The following PCLO variants were observed in gnomAD, a reference collection of about 807,000 sequenced individuals.
The protein encoded by PCLO is protein piccolo.
A neutral mutation model predicts 427.5 loss-of-function variants in PCLO; 82 were observed. The ratio of observed to expected loss-of-function variants is 0.19; its 90% CI spans 0.16 to 0.23. The LOEUF is 0.23. PCLO is among the 10% of genes least tolerant of loss of function. The probability of loss-of-function intolerance (pLI) is 1.00; values close to 1 mark genes in which losing one functional copy is unlikely to be tolerated. For synonymous variants in PCLO, 2,357 were observed against 2,155.4 expected (o/e 1.09, Z -2.59); for missense variants, 6,239 against 6,115.9 (o/e 1.02, Z -0.67).
At chr7:83,066,986 A>T (rs542827949) in intron 3 of PCLO, among the ~76,000 whole-genome samples, 1 of 152,288 alleles carries the variant, frequency 6.6e-6, no homozygotes, top group African/African-American at 2.4e-5. Flanking sequence ...CAAGTGAAAA[A>T]TTTCACACAT....
At chr7:83,032,631 G>A (rs1788700250) in intron 3 of PCLO, among the ~76,000 whole-genome samples, 1 of 151,944 alleles carries the variant, frequency 6.6e-6, no homozygotes, top group Admixed American at 6.6e-5. Context: ...ACAATTTCCT[G>A]AAGGGCTACT....
intron 3 of PCLO, among the ~76,000 whole-genome samples, chr7:83,072,128 T>A (rs776596935): frequency 3.9e-5 from 6 of 152,076 alleles, no homozygotes; most frequent in Admixed American, 1.3e-4. Flanking sequence ...TAGATTCTTA[T>A]AATAGTTACA....
At position 83,155,367 on chromosome 7, in the gene PCLO, GGTT is replaced by G; in HGVS notation, c.1271_1273del (p.Gln424del). 1.2e-6 allele frequency: 2 copies of G among 1,613,820 alleles called. No homozygotes were observed. Among genetic ancestry groups the G allele is most frequent in the South Asian group, 2.2e-5 (2 of 91,070 alleles). On this transcript the variant is annotated inframe_deletion, in exon 2 of 25. Transcript: ENST00000333891. Reference sequence around the variant, plus strand: ...TGCCTTAGCTGGAGACTGTAGCCCAGGTTGTTGAGCTAGGGGTTTTGGTGTCCC... The same window carrying G: ...TGCCTTAGCTGGAGACTGTAGCCCAGGTTGAGCTAGGGGTTTTGGTGTCCC...
Position 83,161,436 on chromosome 7 carries a change from G to A in PCLO, c.248+909C>T, listed in dbSNP as rs539906707. 4.6e-5 allele frequency among the ~76,000 whole-genome samples: 7 copies of A among 152,230 alleles called. No homozygotes were observed. In the South Asian group the frequency reaches 1.5e-3, roughly 32 times the overall value. On this transcript the variant is annotated intron_variant, in intron 1 of 24. Coordinates refer to ENST00000333891, the MANE Select transcript of PCLO (RefSeq NM_033026.6). The stretch of plus-strand genomic sequence containing the variant: ...GGTTTGTTTACAGTAAGAAAGGCAA[G>A]GCAGGCACAATGATTATACCCCTCT...
intron 3 of PCLO, among the ~76,000 whole-genome samples, chr7:82,987,856 T>C (rs1487187419): frequency 6.6e-6 from 1 of 152,062 alleles, no homozygotes; most frequent in African/African-American, 2.4e-5. Context: ...TGTTCTTAGT[T>C]AACACAGAAC....
At chr7:82,860,267 A>T (rs1247616586) in intron 10 of PCLO, among the ~76,000 whole-genome samples, 1 of 151,862 alleles carries the variant, frequency 6.6e-6, no homozygotes, top group Non-Finnish European at 1.5e-5. Context: ...CAACTACCTA[A>T]AGGCATTTAA....
intron 9 of PCLO, among the ~76,000 whole-genome samples, chr7:82,898,337 C>A (rs183061915): frequency 2.0e-4 from 30 of 151,538 alleles, no homozygotes; most frequent in African/African-American, 6.7e-4. Context: ...ACTTTGAGAA[C>A]CACATAGGAG....
intron 3 of PCLO, among the ~76,000 whole-genome samples, chr7:82,980,672 T>A (rs1002406795): frequency 6.6e-5 from 10 of 152,118 alleles, no homozygotes; most frequent in African/African-American, 2.4e-4. Context: ...GAGGATAAGT[T>A]TACCCTGAAG....
intron 6 of PCLO, among the ~76,000 whole-genome samples, chr7:82,946,030 ACTTGT>A (rs1795193170): frequency 6.6e-6 from 1 of 152,186 alleles, no homozygotes; most frequent in Non-Finnish European, 1.5e-5. Context: ...CTACTCGGGG[ACTTGT>A]CTTATCTGTA....
chr7:83,045,040 T>G (rs188011902), intron 3 of PCLO, among the ~76,000 whole-genome samples: 136 of 152,322 alleles, frequency 8.9e-4, no homozygotes, highest in Non-Finnish European at 1.5e-3. Context: ...TAAACTATGA[T>G]AGTTGTAAAA....
At chr7:82,855,687 G>C (rs1029197134) in intron 10 of PCLO, among the ~76,000 whole-genome samples, 5 of 151,956 alleles carry the variant, frequency 3.3e-5, no homozygotes, top group African/African-American at 7.2e-5. Context: ...AATTTGATTG[G>C]GTCTCTTATC....
At chr7:82,818,043 T>G (rs1791712883) in intron 20 of PCLO, among the ~76,000 whole-genome samples, 2 of 152,136 alleles carry the variant, frequency 1.3e-5, no homozygotes. Flanking sequence ...TAAAAAATCT[T>G]TTGAAATGGC....
chr7:82,937,083 T>C (rs373445229), intron 6 of PCLO, among the ~76,000 whole-genome samples: 1 of 151,796 alleles, frequency 6.6e-6, no homozygotes, highest in African/African-American at 2.4e-5. Flanking sequence ...GTAGTGGTGA[T>C]TGTACAACAT....
chr7:82,985,734 C>T lies in PCLO; in HGVS notation c.3301-19247G>A, dbSNP rs978670484. Among the ~76,000 whole-genome samples the T allele has an allele frequency of 3.3e-5, 5 of 151,912 alleles. No homozygotes were observed. The South Asian group carries it at 1.0e-3, about 31-fold the overall frequency. ...AATAGGAAAAATAAAATACAAATGT[C>T]TTTTGTTTTAAGAATGTGTAAGGGT... On this transcript the variant is annotated intron_variant, in intron 3 of 24. Coordinates refer to ENST00000333891, the MANE Select transcript of PCLO (RefSeq NM_033026.6).
At chr7:82,778,541 C>T (rs894489493) in intron 22 of PCLO, among the ~76,000 whole-genome samples, 8 of 152,082 alleles carry the variant, frequency 5.3e-5, no homozygotes, top group African/African-American at 1.9e-4. Context: ...TAGTCTTTTA[C>T]ATTATGGTTT....
Position 82,783,546 on chromosome 7 carries a change from C to A in PCLO, c.15007+17972G>T, listed in dbSNP as rs536722764. 1.1e-4 allele frequency among the ~76,000 whole-genome samples: 16 copies of A among 152,084 alleles called. No individual in the cohort carries two copies. The East Asian group carries it at 2.7e-3, about 26-fold the overall frequency. On this transcript the variant is annotated intron_variant, in intron 22 of 24. Coordinates refer to ENST00000333891, the MANE Select transcript of PCLO (RefSeq NM_033026.6). ...CTGAGGCAGGAGAATGGCGTGAACC[C>A]GGGAGGCGGAGCTTGCAGTGAGCTG...
chr7:82,844,416 G>A (rs138380668), intron 13 of PCLO, among the ~76,000 whole-genome samples: 3 of 152,170 alleles, frequency 2.0e-5, no homozygotes, highest in African/African-American at 7.2e-5. Flanking sequence ...TACTTTTGTT[G>A]TTTGCTTCTG....
intron 3 of PCLO, among the ~76,000 whole-genome samples, chr7:83,069,819 AC>A (rs1296728005): frequency 1.7e-4 from 19 of 113,142 alleles, no homozygotes; most frequent in Middle Eastern, 5.6e-3. Context: ...ACACACACAC[AC>A]ACACACAAAG....
intron 22 of PCLO, among the ~76,000 whole-genome samples, chr7:82,779,722 A>C (rs527354706): frequency 3.7e-4 from 51 of 139,482 alleles, no homozygotes; most frequent in Admixed American, 2.8e-3. Flanking sequence ...TTTTTGCTCT[A>C]TATTTTTTTT....
Sources: allele counts gnomAD v4.1 joint callset (sites outside exome capture counted in the v4.1 genomes callset), GRCh38; gene constraint gnomAD v4.1.1; transcripts MANE v1.5; gene names NCBI Gene and HGNC (gene_info 2026-07-23, HGNC 2026-07-21).